Variants in CCDC172 observed in about 807,000 individuals in gnomAD.
The protein encoded by CCDC172 is coiled-coil domain-containing protein 172.
In CCDC172, 30 loss-of-function variants were observed where a neutral mutation model predicts 38.0. The ratio of observed to expected loss-of-function variants is 0.79; its 90% CI spans 0.59 to 1.07. CCDC172 has a LOEUF of 1.07. CCDC172 is among the 50% of genes least tolerant of loss of function. The pLI is 0.00. For missense variants in CCDC172, 297 were observed against 290.1 expected (o/e 1.02, Z -0.17); for synonymous variants, 78 against 88.3 (o/e 0.88, Z 0.66).
chr10:116,346,130 T>G (rs1168600485), intron 5 of CCDC172, among the ~76,000 whole-genome samples: 1 of 151,722 alleles, frequency 6.6e-6, no homozygotes, highest in Non-Finnish European at 1.5e-5. Context: ...CCGTCTCTAC[T>G]AAAACCAAAA....
chr10:116,347,898 C>G (rs76194762), intron 5 of CCDC172, among the ~76,000 whole-genome samples: 77 of 152,218 alleles, frequency 5.1e-4, no homozygotes, highest in African/African-American at 1.8e-3. Context: ...CAACTGTAAT[C>G]TATTGATGTA....
chr10:116,368,894 T>C lies in CCDC172; in HGVS notation c.654-9529T>C, dbSNP rs75063883. Reference sequence around the variant, plus strand: ...TCCTCCATTCTGTATGTATGTCTTCTTTCTAGTTAAAACTCTGGTTCTCAA... The same window carrying C: ...TCCTCCATTCTGTATGTATGTCTTCCTTCTAGTTAAAACTCTGGTTCTCAA... On this transcript the variant is annotated intron_variant, in intron 7 of 8. Coordinates refer to ENST00000333254, the MANE Select transcript of CCDC172 (RefSeq NM_198515.3). Among the ~76,000 whole-genome samples, 273 of 152,176 alleles carry C rather than the reference T, an allele frequency of 1.8e-3. 9 individuals are homozygous for C. In the East Asian group the frequency reaches 0.047, roughly 26 times the overall value.
chr10:116,357,852 GAATGAATCCAT>G lies in CCDC172; in HGVS notation c.568_578del (p.Asn190LeufsTer15). 6.6e-7 allele frequency: 1 copy of G among 1,505,908 alleles called. No individual in the cohort carries two copies. Among genetic ancestry groups the G allele is most frequent in the Non-Finnish European group, 9.0e-7 (1 of 1,109,758 alleles). The allele number at this position is 1,505,908 out of a possible 1,614,324, so 93.3% of individuals were successfully genotyped here. A position where few individuals can be genotyped will look rare whatever the true frequency, so the allele number is the denominator to read the frequency against. On this transcript the variant is annotated frameshift_variant, in exon 7 of 9. Coordinates refer to ENST00000333254, the MANE Select transcript of CCDC172 (RefSeq NM_198515.3). LOFTEE classifies it high-confidence loss of function. ...TTTGTTTAGTTTTTGAAGATGAAGA[GAATGAATCCAT>G]TTGTACTACCAAATATCTAGAGGCA...
chr10:116,333,402 G>T (rs1248225852), intron 3 of CCDC172, among the ~76,000 whole-genome samples: 1 of 152,128 alleles, frequency 6.6e-6, no homozygotes, highest in Non-Finnish European at 1.5e-5. Context: ...TATTGCCTGA[G>T]ATATGATTAT....
At chr10:116,334,848 A>G (rs1343992931) in intron 3 of CCDC172, among the ~76,000 whole-genome samples, 1 of 152,072 alleles carries the variant, frequency 6.6e-6, no homozygotes, top group African/African-American at 2.4e-5. Flanking sequence ...CTACTCATAC[A>G]CTGAAAATTA....
In CCDC172 at chr10:116,376,717, A is replaced by G. The variant is rs140153886; in HGVS notation, c.654-1706A>G. Among the ~76,000 whole-genome samples, 22 of 152,224 alleles carry G rather than the reference A, an allele frequency of 1.4e-4. No homozygotes were observed. The East Asian group carries it at 4.3e-3, about 29-fold the overall frequency. ...CCTTGCTTTAAAGGGACCAGAATAT[A>G]CCACCCTGAAATTATACCACATTGT... On this transcript the variant is annotated intron_variant, in intron 7 of 8. Transcript: ENST00000333254.
chr10:116,376,714 T>C (rs146120662), intron 7 of CCDC172, among the ~76,000 whole-genome samples: 218 of 152,226 alleles, frequency 1.4e-3, no homozygotes, highest in African/African-American at 5.0e-3. Flanking sequence ...GGGACCAGAA[T>C]ATACCACCCT....
chr10:116,337,587 T>A (rs568734242), intron 3 of CCDC172, among the ~76,000 whole-genome samples: 2 of 152,342 alleles, frequency 1.3e-5, no homozygotes, highest in East Asian at 3.9e-4. Context: ...TCTTTTGGGA[T>A]CTTAGTGGAT....
chr10:116,367,101 T>G (rs1266768650), intron 7 of CCDC172, among the ~76,000 whole-genome samples: 1 of 152,208 alleles, frequency 6.6e-6, no homozygotes, highest in East Asian at 1.9e-4. Context: ...TCCAATTTTA[T>G]GGGGTTTTGT....
At chr10:116,357,772 G>C in intron 6 of CCDC172, 64 bp from the exon 7 acceptor site, 1 of 883,826 alleles carries the variant, frequency 1.1e-6, no homozygotes, top group South Asian at 1.6e-5. Context: ...GTTCTTATGA[G>C]TGAATAAAGA....
At chr10:116,366,235 C>T (rs1003086352) in intron 7 of CCDC172, among the ~76,000 whole-genome samples, 4 of 151,994 alleles carry the variant, frequency 2.6e-5, no homozygotes, top group African/African-American at 7.2e-5. Context: ...AGAATATTAC[C>T]GATAACTTGC....
Position 116,348,954 on chromosome 10 carries a change from G to A in CCDC172, c.448+6753G>A, listed in dbSNP as rs113197431. ...AGCCACATAGCAGGAGGTGAGTGGC[G>A]GGTGAGTGAGCAAAGCTTCATCTGT... On this transcript the variant is annotated intron_variant, in intron 5 of 8. Coordinates refer to ENST00000333254, the MANE Select transcript of CCDC172 (RefSeq NM_198515.3). 1.0e-2 allele frequency among the ~76,000 whole-genome samples: 1,520 copies of A among 152,178 alleles called. 26 individuals carry two copies. Among genetic ancestry groups the A allele is most frequent in the African/African-American group, 0.035 (1,443 of 41,492 alleles).
intron 3 of CCDC172, among the ~76,000 whole-genome samples, chr10:116,336,119 A>G (rs1175638809): frequency 1.3e-5 from 2 of 151,872 alleles, no homozygotes; most frequent in Non-Finnish European, 2.9e-5. Flanking sequence ...GTGAGCCAAG[A>G]TCATGCCACT....
At chr10:116,346,677 T>C (rs1486840121) in intron 5 of CCDC172, among the ~76,000 whole-genome samples, 22 of 152,078 alleles carry the variant, frequency 1.4e-4, no homozygotes, top group Admixed American at 1.4e-3. Flanking sequence ...GTCCCTGATA[T>C]CACAGATGCT....
At chr10:116,362,615 A>T (rs932233065) in intron 7 of CCDC172, among the ~76,000 whole-genome samples, 2 of 152,292 alleles carry the variant, frequency 1.3e-5, no homozygotes, top group African/African-American at 4.8e-5. Flanking sequence ...AACAACAGAG[A>T]AGCTCAAAGT....
In CCDC172 at chr10:116,357,461, C is replaced by T. The variant is rs1845012880; in HGVS notation, c.530C>T (p.Thr177Ile). 5 of 1,573,074 alleles carry T rather than the reference C, an allele frequency of 3.2e-6. No individual in the cohort carries two copies. The highest frequency in any genetic ancestry group is 2.4e-5 in the South Asian group (2 of 84,508). The change falls in exon 6 of 9, where the codon ACT (threonine) becomes ATT (isoleucine). Residue 177 changes from threonine to isoleucine, a missense_variant. Physicochemically the swap from Thr to Ile is moderately conservative, Grantham distance 89. Transcript: ENST00000333254. ...QKSELIQELF[T>I]LQRKLKVFED... is the part of the protein sequence containing the mutation. The stretch of plus-strand genomic sequence containing the variant: ...AGTGAATTGATACAAGAATTATTTA[C>T]TCTCCAAAGAAAACTTAAAGGTATT...
At chr10:116,328,612 A>T (rs1033351748) in intron 3 of CCDC172, among the ~76,000 whole-genome samples, 3 of 152,046 alleles carry the variant, frequency 2.0e-5, no homozygotes, top group African/African-American at 7.2e-5. Context: ...TATTTTGTTT[A>T]TTTTTTCTGT....
At chr10:116,369,707 A>G (rs1235238698) in intron 7 of CCDC172, among the ~76,000 whole-genome samples, 1 of 152,038 alleles carries the variant, frequency 6.6e-6, no homozygotes, top group Non-Finnish European at 1.5e-5. Flanking sequence ...TTTTGTATTT[A>G]TACAGTATCT....
intron 5 of CCDC172, among the ~76,000 whole-genome samples, chr10:116,344,203 A>G (rs1844835983): frequency 1.3e-5 from 2 of 152,220 alleles, no homozygotes; most frequent in South Asian, 4.1e-4. Flanking sequence ...TCCATTTGCA[A>G]TCATGCATCA....
Sources: allele counts gnomAD v4.1 joint callset (sites outside exome capture counted in the v4.1 genomes callset), GRCh38; gene constraint gnomAD v4.1.1; transcripts MANE v1.5; gene names NCBI Gene and HGNC (gene_info 2026-07-23, HGNC 2026-07-21).